Variants in EVI5 observed in about 807,000 individuals in gnomAD.
The protein encoded by EVI5 is ecotropic viral integration site 5 protein homolog.
EVI5 carries 73 observed loss-of-function variants against 112.0 expected under a neutral mutation model. The observed-to-expected ratio is 0.65, with a 90% confidence interval of 0.54 to 0.79. The LOEUF is 0.79. EVI5 is among the 30% of genes least tolerant of loss of function. EVI5 has a pLI of 0.00. For missense variants in EVI5, 900 were observed against 968.8 expected (o/e 0.93, Z 0.94); for synonymous variants, 305 against 319.9 (o/e 0.95, Z 0.50).
intron 19 of EVI5, among the ~76,000 whole-genome samples, chr1:92,534,212 A>C (rs1403932849): frequency 6.6e-6 from 1 of 152,146 alleles, no homozygotes; most frequent in Non-Finnish European, 1.5e-5. Flanking sequence ...ACCAGGGAAT[A>C]CAACTTACAA....
chr1:92,619,630 T>C (rs1399718680), intron 16 of EVI5, among the ~76,000 whole-genome samples: 1 of 151,564 alleles, frequency 6.6e-6, no homozygotes. Context: ...AAAGAAAAGC[T>C]AGAGATGAGC....
chr1:92,739,070 C>T (rs1004073359), intron 1 of EVI5, among the ~76,000 whole-genome samples: 3 of 151,874 alleles, frequency 2.0e-5, no homozygotes, highest in Admixed American at 6.6e-5. Flanking sequence ...GTCAGGAGTT[C>T]GAGACCAGCT....
intron 19 of EVI5, among the ~76,000 whole-genome samples, chr1:92,558,623 T>C (rs1668028900): frequency 6.6e-6 from 1 of 152,082 alleles, no homozygotes; most frequent in Non-Finnish European, 1.5e-5. Context: ...CCTGATGAAT[T>C]TCCCTGTTCT....
At chr1:92,625,675 C>T (rs1044994921) in intron 15 of EVI5, 119 bp downstream of exon 15, 17 of 718,268 alleles carry the variant, frequency 2.4e-5, no homozygotes, top group Non-Finnish European at 2.3e-6. Context: ...TGACATTAAA[C>T]AGGGTCTCTC....
rs1553174065 is a variant in EVI5, at chr1:92,539,560, A to AAAAAAAAAAAAAAACC, written c.2166+24081_2166+24082insGGTTTTTTTTTTTTTT. ...TCCATCTCAAAAAAAAAAAAAAAAA[A>AAAAAAAAAAAAAAACC]AAAAAATCTTGAACCCATTCTCCCA... On this transcript the variant is annotated intron_variant, in intron 19 of 19. Coordinates refer to ENST00000684568, the MANE Select transcript of EVI5 (RefSeq NM_001350197.2). Among the ~76,000 whole-genome samples the AAAAAAAAAAAAAAACC allele has an allele frequency of 1.5e-5, 2 of 137,732 alleles. 1 individual carries two copies. The highest frequency in any genetic ancestry group is 3.1e-5 in the Non-Finnish European group (2 of 65,344). 90.4% of individuals were successfully genotyped at this position (137,732 alleles called of 152,430 possible). A position where few individuals can be genotyped will look rare whatever the true frequency, so the allele number is the denominator to read the frequency against.
At chr1:92,741,942 C>T (rs1678478452) in intron 1 of EVI5, among the ~76,000 whole-genome samples, 2 of 151,826 alleles carry the variant, frequency 1.3e-5, no homozygotes, top group Non-Finnish European at 2.9e-5. Flanking sequence ...ACAAAAAGCA[C>T]AGGCAACAAA....
intron 2 of EVI5, among the ~76,000 whole-genome samples, chr1:92,725,614 T>C (rs1357878524): frequency 6.6e-6 from 1 of 151,788 alleles, no homozygotes; most frequent in Non-Finnish European, 1.5e-5. Context: ...TCCCAGCCAC[T>C]TGGGAGGCAG....
chr1:92,784,256 G>A lies in EVI5; in HGVS notation c.-82+580C>T, dbSNP rs1685296596. On this transcript the variant is annotated intron_variant, in intron 1 of 19. Transcript: ENST00000684568. ...ACCAACACCACAATCCAACCTACCG[G>A]AAATCCTGAGGTTAATTTGAGGCTT... The A allele has an allele frequency of 9.2e-6, 9 of 973,552 alleles. No homozygotes were observed. The South Asian group carries it at 3.3e-4, about 36-fold the overall frequency. 60.3% of individuals were successfully genotyped at this position (973,552 alleles called of 1,614,324 possible).
chr1:92,619,966 G>A (rs1654154324), intron 16 of EVI5, among the ~76,000 whole-genome samples: 1 of 152,096 alleles, frequency 6.6e-6, no homozygotes, highest in African/African-American at 2.4e-5. Context: ...GAGCAACCAA[G>A]AGTTGTTAGA....
At chr1:92,584,061 T>A (rs888220676) in intron 18 of EVI5, among the ~76,000 whole-genome samples, 1 of 152,150 alleles carries the variant, frequency 6.6e-6, no homozygotes, top group African/African-American at 2.4e-5. Context: ...CATGACACAA[T>A]GCAAGTTGCT....
intron 4 of EVI5, 151 bp downstream of exon 4, chr1:92,703,244 T>G: frequency 1.7e-6 from 1 of 589,140 alleles, no homozygotes; most frequent in Non-Finnish European, 3.0e-6. Context: ...TAATGTAGCA[T>G]AAGAATTAAG....
At chr1:92,540,932 G>A (rs541566223) in intron 19 of EVI5, among the ~76,000 whole-genome samples, 3 of 152,126 alleles carry the variant, frequency 2.0e-5, no homozygotes, top group Non-Finnish European at 4.4e-5. Context: ...AAATTAGCCA[G>A]GCGTGGTGGC....
chr1:92,780,930 C>A (rs1038059289), intron 1 of EVI5, among the ~76,000 whole-genome samples: 1 of 151,654 alleles, frequency 6.6e-6, no homozygotes, highest in Non-Finnish European at 1.5e-5. Flanking sequence ...CGGCTCACTG[C>A]AACCTCTGCC....
chr1:92,785,182 G>T, upstream of EVI5: 2 of 852,342 alleles, frequency 2.3e-6, no homozygotes, highest in Non-Finnish European at 2.8e-6. Context: ...CAGGTTAGGG[G>T]CCGGGCGGGC....
upstream of EVI5, among the ~76,000 whole-genome samples, chr1:92,787,938 G>C (rs1385172086): frequency 6.6e-6 from 1 of 151,510 alleles, no homozygotes; most frequent in East Asian, 1.9e-4. Context: ...TGACACAAAA[G>C]AGTGTCATAC....
chr1:92,733,068 AG>A (rs144900253), intron 2 of EVI5: 1 of 211,774 alleles, frequency 4.7e-6, no homozygotes, highest in Non-Finnish European at 1.0e-5. Context: ...AAAAAAAAAA[AG>A]AAAAAAAAAA....
At position 92,533,356 on chromosome 1, in the gene EVI5, G is replaced by A. The variant is rs373499989; in HGVS notation, c.2167-19386C>T. Among the ~76,000 whole-genome samples the A allele has an allele frequency of 2.2e-4, 34 of 152,146 alleles. No individual in the cohort carries two copies. The East Asian group carries it at 6.2e-3, about 28-fold the overall frequency. On this transcript the variant is annotated intron_variant, in intron 19 of 19. Coordinates refer to ENST00000684568, the MANE Select transcript of EVI5 (RefSeq NM_001350197.2). ...GATTCACAGCTGAATTCCACCAGAG[G>A]TACAAAGAGGAGATTGTACCATTCC...
intron 9 of EVI5, among the ~76,000 whole-genome samples, chr1:92,680,110 T>C (rs1053482573): frequency 1.3e-5 from 2 of 152,216 alleles, no homozygotes; most frequent in African/African-American, 4.8e-5. Context: ...CTATACACTA[T>C]TAACAGAGTG....
chr1:92,676,877 A>C (rs1283261222), intron 10 of EVI5, among the ~76,000 whole-genome samples: 2 of 152,190 alleles, frequency 1.3e-5, no homozygotes, highest in Non-Finnish European at 2.9e-5. Flanking sequence ...CAACTTTAAA[A>C]AACATGCTTA....
Sources: allele counts gnomAD v4.1 joint callset (sites outside exome capture counted in the v4.1 genomes callset), GRCh38; gene constraint gnomAD v4.1.1; transcripts MANE v1.5; gene names NCBI Gene and HGNC (gene_info 2026-07-23, HGNC 2026-07-21).